Variants in ITPR2 observed in about 807,000 individuals in gnomAD.
ITPR2 encodes the protein inositol 1,4,5-trisphosphate-gated calcium channel ITPR2.
In ITPR2, 207 loss-of-function variants were observed where a neutral mutation model predicts 317.1. The ratio of observed to expected loss-of-function variants is 0.65; its 90% CI spans 0.58 to 0.73. The LOEUF is 0.73. Among genes scored for constraint, ITPR2 ranks in the 30% least tolerant of loss-of-function variants. The pLI is 0.00. For synonymous variants in ITPR2, 1,156 were observed against 1,149.1 expected, an observed-to-expected ratio of 1.01 and a Z score of -0.12; for missense variants, 2,613 against 3,284.0, an observed-to-expected ratio of 0.80 and a Z score of 4.99.
In ITPR2 at chr12:26,539,774, C is replaced by A. The variant is rs368966261; in HGVS notation, c.5073+10473G>T. Among the ~76,000 whole-genome samples, 17 of 152,322 alleles carry A rather than the reference C, an allele frequency of 1.1e-4. 1 individual carries two copies. The highest frequency in any genetic ancestry group is 4.1e-4 in the African/African-American group (17 of 41,562). On this transcript the variant is annotated intron_variant, in intron 37 of 56. Transcript: ENST00000381340. ...ATGCTGTGGTTCTCTGCTGCCCACCCAAGTTTGCAGGGATGTCAAATACAA... is the reference window on the plus strand; with the variant it reads ...ATGCTGTGGTTCTCTGCTGCCCACCAAAGTTTGCAGGGATGTCAAATACAA...
chr12:26,401,093 G>A (rs1940164235), intron 52 of ITPR2, among the ~76,000 whole-genome samples: 1 of 152,058 alleles, frequency 6.6e-6, no homozygotes, highest in African/African-American at 2.4e-5. Context: ...GCCAGGCATG[G>A]TGGTGTGTGC....
In ITPR2 at chr12:26,631,969, G is replaced by A. The variant is rs377598368; in HGVS notation, c.2831C>T (p.Pro944Leu). Residue 944 changes from proline (P) to leucine (L), a missense_variant, in exon 22 of 57, where the codon CCG (proline) becomes CTG (leucine). Around this residue, in one of 9 missense-constraint regions of ITPR2, gnomAD observed 817 missense variants for 897.6 expected, o/e 0.91. Transcript: ENST00000381340. ...CGGGTGGATGCTGGGTGGCACATCCGGCACGCTCATGGGGAAGATGGAGCC... is the reference window on the plus strand; with the variant it reads ...CGGGTGGATGCTGGGTGGCACATCCAGCACGCTCATGGGGAAGATGGAGCC... Reference protein sequence around the residue: ...SRGSIFPMSVPDVPPSIHPSK... With the variant: ...SRGSIFPMSVLDVPPSIHPSK... 3.4e-5 allele frequency: 55 copies of A among 1,613,466 alleles called. No individual in the cohort carries two copies. Among genetic ancestry groups the A allele is most frequent in the South Asian group, 6.6e-5 (6 of 91,018 alleles).
rs148455308 is a variant in ITPR2 at position 26,793,925 on chromosome 12, C to T, written c.93-3698G>A. 5.2e-4 allele frequency among the ~76,000 whole-genome samples: 79 copies of T among 152,284 alleles called. No individual in the cohort carries two copies. In the East Asian group the frequency reaches 0.015, roughly 28 times the overall value. On this transcript the variant is annotated intron_variant, in intron 1 of 56. Coordinates refer to ENST00000381340, the MANE Select transcript of ITPR2 (RefSeq NM_002223.4). ...GGTAGCACCTTTCAATCCAATCCAT[C>T]AGTGCACATCTTAATGGGCTACATT... is the stretch of plus-strand genomic sequence containing the variant.
intron 54 of ITPR2, among the ~76,000 whole-genome samples, chr12:26,391,278 T>C (rs1358549160): frequency 6.6e-6 from 1 of 152,186 alleles, no homozygotes; most frequent in African/African-American, 2.4e-5. Context: ...TTAATATCCC[T>C]ATTTAGCGGA....
chr12:26,670,189 A>G (rs988736517), intron 13 of ITPR2, among the ~76,000 whole-genome samples: 3 of 152,242 alleles, frequency 2.0e-5, no homozygotes, highest in African/African-American at 7.2e-5. Flanking sequence ...AGCTTTGAAG[A>G]GAGCATTGGT....
In ITPR2 at chr12:26,486,306, G is replaced by T; in HGVS notation, c.5609C>A (p.Ala1870Asp). ...KEGMKGQLTE[A>D]SSATSKAYCV... ...ATATGCTTTGGATGTTGCTGAAGAA[G>T]CTTCTGTTAATTGCCCTTTCATTCC... Residue 1870 changes from alanine to aspartate, a missense_variant, in exon 41 of 57, where the codon GCT (alanine) becomes GAT (aspartate). By Grantham distance (126) the Ala-to-Asp change is moderately radical (BLOSUM62 -2). This residue lies in a region of ITPR2 where 926 missense variants were observed against 1,072.8 expected (regional missense o/e 0.86). Coordinates refer to ENST00000381340, the MANE Select transcript of ITPR2 (RefSeq NM_002223.4). 1.2e-6 allele frequency: 2 copies of T among 1,613,266 alleles called. No individual in the cohort carries two copies. Among genetic ancestry groups the T allele is most frequent in the Non-Finnish European group, 1.7e-6 (2 of 1,179,394 alleles).
At chr12:26,414,167 A>G (rs1940649058) in intron 51 of ITPR2, among the ~76,000 whole-genome samples, 1 of 152,160 alleles carries the variant, frequency 6.6e-6, no homozygotes. Flanking sequence ...AGACAGTAAC[A>G]GAAAATACTC....
intron 36 of ITPR2, among the ~76,000 whole-genome samples, chr12:26,555,712 G>A (rs913550384): frequency 2.6e-5 from 4 of 152,162 alleles, no homozygotes; most frequent in Non-Finnish European, 4.4e-5. Context: ...CATGTGCGGG[G>A]TCTGAGTCTT....
At chr12:26,678,808 A>T (rs1475539342) in intron 13 of ITPR2, among the ~76,000 whole-genome samples, 3 of 152,242 alleles carry the variant, frequency 2.0e-5, no homozygotes, top group African/African-American at 7.2e-5. Flanking sequence ...CACCTTCCTT[A>T]GAATCATCTT....
intron 41 of ITPR2, 96 bp from the exon 42 acceptor site, chr12:26,483,994 T>C: frequency 9.3e-7 from 1 of 1,078,184 alleles, no homozygotes; most frequent in South Asian, 1.5e-5. Context: ...TAACTTTTCT[T>C]TGTAAGAAAA....
chr12:26,438,790 T>C (rs80084931), intron 47 of ITPR2, among the ~76,000 whole-genome samples: 2 of 152,350 alleles, frequency 1.3e-5, no homozygotes, highest in East Asian at 1.9e-4. Context: ...TATTCACTGA[T>C]AGGCCAGTCA....
chr12:26,739,852 A>G (rs1949200999), intron 2 of ITPR2, among the ~76,000 whole-genome samples: 1 of 152,254 alleles, frequency 6.6e-6, no homozygotes, highest in Non-Finnish European at 1.5e-5. Context: ...TCAATTGTTC[A>G]CTTTTCTATG....
intron 55 of ITPR2, among the ~76,000 whole-genome samples, chr12:26,342,655 G>A (rs1938169085): frequency 1.3e-5 from 2 of 152,010 alleles, no homozygotes; most frequent in Admixed American, 1.3e-4. Context: ...TGTTGTCCAG[G>A]CTGAAGTGCA....
intron 35 of ITPR2, among the ~76,000 whole-genome samples, chr12:26,561,317 C>T (rs918169988): frequency 2.6e-5 from 4 of 152,194 alleles, no homozygotes; most frequent in African/African-American, 7.2e-5. Context: ...TGACATTCTG[C>T]AACAGCAGCC....
intron 45 of ITPR2, among the ~76,000 whole-genome samples, chr12:26,463,216 C>T (rs1365449833): frequency 1.3e-5 from 2 of 152,136 alleles, no homozygotes; most frequent in East Asian, 3.8e-4. Context: ...AGTAACAGTA[C>T]AATCATTAAA....
At position 26,686,557 on chromosome 12, in the gene ITPR2, G is replaced by A; in HGVS notation, c.1072C>T (p.Pro358Ser). 6.2e-7 allele frequency: 1 copy of A among 1,612,352 alleles called. No homozygotes were observed. Among genetic ancestry groups the A allele is most frequent in the Non-Finnish European group, 8.5e-7 (1 of 1,178,944 alleles). The change falls in exon 11 of 57, where the codon CCG (proline) becomes TCG (serine). Residue 358 changes from proline (P) to serine (S), a missense_variant. Transcript: ENST00000381340. ...AGGGATGCAATGTCATTGCCATGCG[G>A]GACTGAAACCAAAGTATACATGATC... ...EKIMYTLVSV[P>S]HGNDIASLFE...
rs183480827 is a variant in ITPR2, at chr12:26,486,667, G to T, written c.5555-307C>A. 30 of 511,108 alleles carry T rather than the reference G, an allele frequency of 5.9e-5. No homozygotes were observed. The Admixed American group carries it at 6.3e-4, about 11-fold the overall frequency. 31.7% of individuals were successfully genotyped at this position (511,108 alleles called of 1,614,324 possible). ...AAGAAAATGTGACAAACTTCAAAATGTTAATGTCTTTATGATTTGTATTTA... is the reference window on the plus strand; with the variant it reads ...AAGAAAATGTGACAAACTTCAAAATTTTAATGTCTTTATGATTTGTATTTA... On this transcript the variant is annotated intron_variant, in intron 40 of 56. Coordinates refer to ENST00000381340, the MANE Select transcript of ITPR2 (RefSeq NM_002223.4).
intron 15 of ITPR2, among the ~76,000 whole-genome samples, chr12:26,661,656 T>A (rs1947506151): frequency 6.6e-6 from 1 of 152,158 alleles, no homozygotes; most frequent in South Asian, 2.1e-4. Context: ...TTTCTGTTAA[T>A]GTCAATCTCT....
chr12:26,475,293 C>A lies in ITPR2; in HGVS notation c.6342+3G>T. 6.2e-7 allele frequency: 1 copy of A among 1,613,484 alleles called. No individual in the cohort carries two copies. Among genetic ancestry groups the A allele is most frequent in the Non-Finnish European group, 8.5e-7 (1 of 1,179,814 alleles). ...AATAATGTAAAGATATAAAATGTGA[C>A]ACCTGATGGGCCAGAATATAGATAT... On this transcript the variant is annotated splice_donor_region_variant and intron_variant, in intron 45 of 56. Coordinates refer to ENST00000381340, the MANE Select transcript of ITPR2 (RefSeq NM_002223.4).
Sources: gnomAD v4.1 joint callset for allele counts (sites outside exome capture counted in the v4.1 genomes callset) on GRCh38, gnomAD v4.1.1 for gene constraint, gnomAD v4.1.1 regional missense constraint, MANE v1.5 for transcripts, NCBI Gene and HGNC (gene_info 2026-07-23, HGNC 2026-07-21) for gene names.